PCDH15: variants seen among roughly 807,000 people sequenced by gnomAD.
The protein encoded by PCDH15 is protocadherin-15.
PCDH15 carries 129 observed loss-of-function variants against 178.5 expected under a neutral mutation model. That is an observed-to-expected ratio of 0.72 (90% CI 0.63 to 0.84). The LOEUF (loss-of-function observed/expected upper bound fraction) is 0.84, where lower values mean the gene tolerates loss of function less well. Among genes scored for constraint, PCDH15 ranks in the 40% least tolerant of loss-of-function variants. PCDH15 has a pLI of 0.00. For synonymous variants in PCDH15, 800 were observed against 732.0 expected, an observed-to-expected ratio of 1.09 and a Z score of -1.50; for missense variants, 2,230 against 2,099.9, an observed-to-expected ratio of 1.06 and a Z score of -1.21.
At chr10:54,043,771 G>T (rs1214721996) in intron 18 of PCDH15, among the ~76,000 whole-genome samples, 3 of 152,040 alleles carry the variant, frequency 2.0e-5, no homozygotes, top group Non-Finnish European at 2.9e-5. Flanking sequence ...GAGCTGGTCT[G>T]GGCACATGTG....
chr10:54,090,824 G>A (rs2094589028), intron 15 of PCDH15, among the ~76,000 whole-genome samples: 1 of 151,970 alleles, frequency 6.6e-6, no homozygotes, highest in African/African-American at 2.4e-5. Context: ...GGCTCCAATT[G>A]TCCTATGTGA....
At chr10:54,250,657 G>A (rs1294835935) in intron 8 of PCDH15, among the ~76,000 whole-genome samples, 1 of 152,164 alleles carries the variant, frequency 6.6e-6, no homozygotes, top group African/African-American at 2.4e-5. Flanking sequence ...ATGTGTGAAA[G>A]CTAGACATTT....
At chr10:55,079,206 A>C (rs568798832) in intron 2 of PCDH15, among the ~76,000 whole-genome samples, 72 of 152,156 alleles carry the variant, frequency 4.7e-4, no homozygotes, top group Non-Finnish European at 9.3e-4. Flanking sequence ...GTTGATATCT[A>C]TGCACCTGTT....
At chr10:55,089,340 TAAG>T (rs1411276613) in intron 2 of PCDH15, among the ~76,000 whole-genome samples, 1 of 152,122 alleles carries the variant, frequency 6.6e-6, no homozygotes, top group African/African-American at 2.4e-5. Flanking sequence ...CAATAGTTAA[TAAG>T]AAGTTGAATA....
chr10:55,572,102 G>A (rs972021794), intron 2 of PCDH15, among the ~76,000 whole-genome samples: 1 of 152,016 alleles, frequency 6.6e-6, no homozygotes. Flanking sequence ...CTTTAGAGCA[G>A]TTTTCCACCT....
chr10:54,473,083 C>G (rs1217616323), intron 3 of PCDH15, among the ~76,000 whole-genome samples: 1 of 151,916 alleles, frequency 6.6e-6, no homozygotes, highest in East Asian at 1.9e-4. Context: ...CTTTTTAATA[C>G]AGAATTTTTA....
chr10:54,622,766 T>A (rs1345706908), intron 2 of PCDH15, among the ~76,000 whole-genome samples: 9 of 51,180 alleles, frequency 1.8e-4, no homozygotes, highest in Admixed American at 1.0e-3. Flanking sequence ...ATATTATATA[T>A]ATATTTTTCC....
At chr10:54,434,144 T>G (rs1392077915) in intron 3 of PCDH15, among the ~76,000 whole-genome samples, 1 of 152,198 alleles carries the variant, frequency 6.6e-6, no homozygotes, top group Non-Finnish European at 1.5e-5. Context: ...TTTGTGCAGG[T>G]GTACAATGTG....
intron 3 of PCDH15, among the ~76,000 whole-genome samples, chr10:54,469,670 G>A (rs905117611): frequency 3.3e-5 from 5 of 152,138 alleles, no homozygotes; most frequent in Non-Finnish European, 5.9e-5. Flanking sequence ...TATGTAAGCA[G>A]GTCTATGCAA....
intron 25 of PCDH15, among the ~76,000 whole-genome samples, chr10:53,924,629 C>A (rs950136589): frequency 1.3e-5 from 2 of 152,244 alleles, no homozygotes; most frequent in Non-Finnish European, 2.9e-5. Flanking sequence ...CTAGGTGAAG[C>A]CAGCTGGGCT....
chr10:55,122,351 A>G (rs1837792577), intron 2 of PCDH15, among the ~76,000 whole-genome samples: 1 of 152,168 alleles, frequency 6.6e-6, no homozygotes. Context: ...GTTAGTTATA[A>G]CTACGGGCTA....
chr10:55,550,582 T>C (rs1841984724), intron 2 of PCDH15, among the ~76,000 whole-genome samples: 1 of 152,144 alleles, frequency 6.6e-6, no homozygotes, highest in African/African-American at 2.4e-5. Context: ...TATATGTTCA[T>C]TTTAAATAGA....
At chr10:55,433,595 ATAAC>A (rs1169859174) in intron 2 of PCDH15, among the ~76,000 whole-genome samples, 1 of 152,184 alleles carries the variant, frequency 6.6e-6, no homozygotes, top group Non-Finnish European at 1.5e-5. Flanking sequence ...ATAAAAATAA[ATAAC>A]TAAAAGAGAC....
At chr10:54,296,794 C>A (rs2059822134) in intron 8 of PCDH15, among the ~76,000 whole-genome samples, 2 of 152,142 alleles carry the variant, frequency 1.3e-5, no homozygotes, top group Non-Finnish European at 2.9e-5. Flanking sequence ...TAAGTGAGGA[C>A]AAAAGGCATC....
chr10:54,227,286 C>T (rs374276805), intron 9 of PCDH15, among the ~76,000 whole-genome samples: 6 of 152,358 alleles, frequency 3.9e-5, no homozygotes, highest in African/African-American at 9.6e-5. Flanking sequence ...GGTGGAGCTT[C>T]CCAAACCTCA....
At chr10:54,121,989 G>A (rs914192767) in intron 15 of PCDH15, among the ~76,000 whole-genome samples, 4 of 123,420 alleles carry the variant, frequency 3.2e-5, no homozygotes, top group African/African-American at 1.2e-4. Context: ...TATCTAAACC[G>A]GGCAAAGACA....
chr10:55,149,308 C>T (rs1266757355), intron 2 of PCDH15, among the ~76,000 whole-genome samples: 3 of 151,606 alleles, frequency 2.0e-5, no homozygotes, highest in Non-Finnish European at 4.4e-5. Context: ...ATAATTTTTA[C>T]ATAAAACATA....
At chr10:54,255,911 C>G (rs548700673) in intron 8 of PCDH15, among the ~76,000 whole-genome samples, 94 of 152,236 alleles carry the variant, frequency 6.2e-4, no homozygotes, top group African/African-American at 2.2e-3. Flanking sequence ...AGCATAGGTG[C>G]AAATTTCATA....
intron 3 of PCDH15, among the ~76,000 whole-genome samples, chr10:54,403,439 G>A (rs1952194554): frequency 6.6e-6 from 1 of 151,950 alleles, no homozygotes; most frequent in South Asian, 2.1e-4. Context: ...TGAAGGAATA[G>A]ACCTTGAACT....
Sources: allele counts gnomAD v4.1 joint callset (sites outside exome capture counted in the v4.1 genomes callset), GRCh38; gene constraint gnomAD v4.1.1; transcripts MANE v1.5; gene names NCBI Gene and HGNC (gene_info 2026-07-23, HGNC 2026-07-21).